GRID1: variants seen among roughly 807,000 people sequenced by gnomAD.
GRID1 encodes glutamate receptor ionotropic, delta-1.
Under a neutral mutation model 98.0 loss-of-function variants are expected in GRID1, and 28 were observed. The ratio of observed to expected loss-of-function variants is 0.29; its 90% CI spans 0.21 to 0.39. The LOEUF (loss-of-function observed/expected upper bound fraction) is 0.39, where lower values mean the gene tolerates loss of function less well. Among genes scored for constraint, GRID1 ranks in the 10% least tolerant of loss-of-function variants. GRID1 has a pLI of 1.00. For missense variants in GRID1, 1,111 were observed against 1,340.5 expected, an observed-to-expected ratio of 0.83 and a Z score of 2.67; for synonymous variants, 553 against 538.5, an observed-to-expected ratio of 1.03 and a Z score of -0.37.
intron 4 of GRID1, among the ~76,000 whole-genome samples, chr10:85,945,269 G>A (rs866284300): frequency 6.6e-6 from 1 of 152,174 alleles, no homozygotes; most frequent in African/African-American, 2.4e-5. Flanking sequence ...GTGATTAATA[G>A]TACAAAATCT....
At chr10:85,636,684 G>C (rs937742297) in intron 13 of GRID1, among the ~76,000 whole-genome samples, 3 of 151,872 alleles carry the variant, frequency 2.0e-5, no homozygotes, top group Non-Finnish European at 4.4e-5. Context: ...TGAGAAAGTA[G>C]AAAAATACTA....
intron 5 of GRID1, among the ~76,000 whole-genome samples, chr10:85,876,822 G>A (rs1392786091): frequency 6.6e-6 from 1 of 152,244 alleles, no homozygotes; most frequent in African/African-American, 2.4e-5. Context: ...TCACTCGGAA[G>A]TGCAAGGGGT....
At chr10:85,782,909 T>G (rs956537353) in intron 8 of GRID1, among the ~76,000 whole-genome samples, 1 of 152,216 alleles carries the variant, frequency 6.6e-6, no homozygotes, top group Middle Eastern at 3.4e-3. Context: ...AAGACACACA[T>G]TGACATGGGA....
At chr10:86,122,868 G>T (rs571291450) in intron 4 of GRID1, among the ~76,000 whole-genome samples, 2 of 152,206 alleles carry the variant, frequency 1.3e-5, no homozygotes, top group African/African-American at 4.8e-5. Context: ...GACAAGGGGG[G>T]AGCCCAGTTG....
At position 86,365,677 on chromosome 10, in the gene GRID1, G is replaced by T. The variant is rs1848666946; in HGVS notation, c.79+637C>A. On this transcript the variant is annotated intron_variant, in intron 1 of 15. Transcript: ENST00000327946. This position sits in a 1 kb window ranked among gnomAD's most constrained non-coding sequence, Gnocchi z 4.8. ...GCAGTCGCCACAACCAGATACACACGCACTCACACATACACCAAGGGCTAC... is the reference window on the plus strand; with the variant it reads ...GCAGTCGCCACAACCAGATACACACTCACTCACACATACACCAAGGGCTAC... Among the ~76,000 whole-genome samples, 1 of 151,594 alleles carries T rather than the reference G, an allele frequency of 6.6e-6. No individual in the cohort carries two copies. The highest frequency in any genetic ancestry group is 1.5e-5 in the Non-Finnish European group (1 of 67,882).
intron 3 of GRID1, among the ~76,000 whole-genome samples, chr10:86,183,400 C>A (rs1845685207): frequency 2.0e-5 from 3 of 151,942 alleles, no homozygotes; most frequent in Admixed American, 6.5e-5. Flanking sequence ...ACTCTTGTTG[C>A]CCAGGCCGAA....
chr10:86,272,378 G>T (rs559587406), intron 2 of GRID1, among the ~76,000 whole-genome samples: 1 of 152,158 alleles, frequency 6.6e-6, no homozygotes, highest in Non-Finnish European at 1.5e-5. Flanking sequence ...ACTTTAGGAA[G>T]GTATTGTGGC....
intron 8 of GRID1, among the ~76,000 whole-genome samples, chr10:85,787,240 C>T (rs1364954619): frequency 6.6e-6 from 1 of 152,142 alleles, no homozygotes. Flanking sequence ...ATGTGCCTGC[C>T]CCTGCCCTGG....
intron 4 of GRID1, among the ~76,000 whole-genome samples, chr10:86,051,857 C>T (rs1006097771): frequency 6.6e-6 from 1 of 152,196 alleles, no homozygotes; most frequent in African/African-American, 2.4e-5. Context: ...ATTGGCACAA[C>T]CCTTCTGGAA....
chr10:86,086,691 G>A (rs1353485973), intron 4 of GRID1, among the ~76,000 whole-genome samples: 1 of 152,142 alleles, frequency 6.6e-6, no homozygotes, highest in Non-Finnish European at 1.5e-5. Flanking sequence ...TGTGTGCATG[G>A]GCATGTGCAG....
chr10:85,918,726 A>G (rs79106621), intron 4 of GRID1, among the ~76,000 whole-genome samples: 466 of 152,308 alleles, frequency 3.1e-3, no homozygotes, highest in African/African-American at 0.011. Flanking sequence ...AATATAGGAG[A>G]CAACTTTCTG....
At chr10:85,928,811 A>C (rs1346735084) in intron 4 of GRID1, among the ~76,000 whole-genome samples, 1 of 152,220 alleles carries the variant, frequency 6.6e-6, no homozygotes, top group Non-Finnish European at 1.5e-5. Flanking sequence ...TGCTCTACAC[A>C]AACCATTCAG....
At chr10:85,888,961 C>T (rs1841156409) in intron 5 of GRID1, among the ~76,000 whole-genome samples, 1 of 152,150 alleles carries the variant, frequency 6.6e-6, no homozygotes, top group Non-Finnish European at 1.5e-5. Context: ...CAAAGCAATT[C>T]CCAAAAGTGG....
At chr10:85,884,502 A>C (rs1384658598) in intron 5 of GRID1, among the ~76,000 whole-genome samples, 1 of 152,132 alleles carries the variant, frequency 6.6e-6, no homozygotes, top group Non-Finnish European at 1.5e-5. Context: ...ACTCTCCTCC[A>C]TTTGGCCAAA....
chr10:85,744,705 G>A (rs1192107673), intron 8 of GRID1, among the ~76,000 whole-genome samples: 191 of 56,802 alleles, frequency 3.4e-3, no homozygotes, highest in Non-Finnish European at 4.7e-3. Flanking sequence ...GGCAACAAAA[G>A]CCAAAATTGA....
intron 12 of GRID1, among the ~76,000 whole-genome samples, chr10:85,676,173 T>G (rs1343104782): frequency 6.6e-6 from 1 of 152,144 alleles, no homozygotes; most frequent in Non-Finnish European, 1.5e-5. Context: ...ACCTCGAATC[T>G]TTTTTGGAAG....
At chr10:86,171,729 C>T (rs1233615008) in intron 3 of GRID1, among the ~76,000 whole-genome samples, 1 of 152,142 alleles carries the variant, frequency 6.6e-6, no homozygotes, top group Non-Finnish European at 1.5e-5. Context: ...ATTTAGAAGC[C>T]TTTTAATTCC....
In GRID1 at chr10:85,691,044, C is replaced by T. The variant is rs1737960887; in HGVS notation, c.1997+31959G>A. ...TATGATGTCTAATTTAATTAATTGA[C>T]ATAATCCACCACTGAACTAGTTAAT... is the stretch of plus-strand genomic sequence containing the variant. On this transcript the variant is annotated intron_variant, in intron 12 of 15. Coordinates refer to ENST00000327946, the MANE Select transcript of GRID1 (RefSeq NM_017551.3). Among the ~76,000 whole-genome samples the T allele has an allele frequency of 4.6e-5, 7 of 152,298 alleles. No homozygotes were observed. The South Asian group carries it at 1.5e-3, about 32-fold the overall frequency.
chr10:86,029,151 C>T (rs936137100), intron 4 of GRID1, among the ~76,000 whole-genome samples: 1 of 152,248 alleles, frequency 6.6e-6, no homozygotes, highest in African/African-American at 2.4e-5. Flanking sequence ...TCAAATTTAA[C>T]ATTTCCAAAA....
Sources: gnomAD v4.1 joint callset for allele counts (sites outside exome capture counted in the v4.1 genomes callset) on GRCh38, gnomAD v4.1.1 for gene constraint, Gnocchi (gnomAD v3.1) non-coding constraint, MANE v1.5 for transcripts, NCBI Gene and HGNC (gene_info 2026-07-23, HGNC 2026-07-21) for gene names.